Variants in CNTN5 observed in about 807,000 individuals in gnomAD.
CNTN5 encodes contactin 5.
A neutral mutation model predicts 129.1 loss-of-function variants in CNTN5; 77 were observed. That is an observed-to-expected ratio of 0.60 (90% CI 0.50 to 0.72). The LOEUF is 0.72. Ranked by LOEUF, CNTN5 falls within the 30% of genes least tolerant of loss-of-function variation. The probability of loss-of-function intolerance (pLI) is 0.00; values close to 1 mark genes in which losing one functional copy is unlikely to be tolerated. For missense variants in CNTN5, 1,478 were observed against 1,328.8 expected (o/e 1.11, Z -1.75); for synonymous variants, 509 against 465.6 (o/e 1.09, Z -1.20).
At chr11:99,211,157 T>C (rs954236283) in intron 1 of CNTN5, among the ~76,000 whole-genome samples, 3 of 152,210 alleles carry the variant, frequency 2.0e-5, no homozygotes, top group Middle Eastern at 3.4e-3. Flanking sequence ...TCCCTTTTTA[T>C]TATCTTGGTA....
At chr11:99,608,056 T>A (rs1470072558) in intron 3 of CNTN5, among the ~76,000 whole-genome samples, 1 of 143,738 alleles carries the variant, frequency 7.0e-6, no homozygotes, top group East Asian at 2.1e-4. Context: ...CATATGTAAC[T>A]AACCTGCACA....
chr11:99,121,138 T>TC lies in CNTN5; in HGVS notation c.-210+99868_-210+99869insC, dbSNP rs201431995. On this transcript the variant is annotated intron_variant, in intron 1 of 24. Transcript: ENST00000524871. ...TTTAACTGTTCTTTCTTTCTTTCTT[T>TC]TTTTTTTTTTTTTTGAGATCGAGTC... 2.9e-4 allele frequency among the ~76,000 whole-genome samples: 42 copies of TC among 146,900 alleles called. No individual in the cohort carries two copies. The South Asian group carries it at 3.0e-3, about 11-fold the overall frequency.
At chr11:99,071,628 C>T (rs576996437) in intron 1 of CNTN5, among the ~76,000 whole-genome samples, 1 of 152,072 alleles carries the variant, frequency 6.6e-6, no homozygotes, top group East Asian at 1.9e-4. Context: ...AATGTATAAG[C>T]CATGTACTTC....
At chr11:99,319,756 C>A (rs1865485936) in intron 1 of CNTN5, among the ~76,000 whole-genome samples, 1 of 152,040 alleles carries the variant, frequency 6.6e-6, no homozygotes, top group Admixed American at 6.6e-5. Context: ...ATTTGAACCA[C>A]CATTCTGGCT....
At chr11:99,761,595 T>G (rs866660784) in intron 3 of CNTN5, among the ~76,000 whole-genome samples, 32 of 152,024 alleles carry the variant, frequency 2.1e-4, no homozygotes, top group Middle Eastern at 3.2e-3. Context: ...GGACATGAAC[T>G]CATCCTTTTT....
chr11:100,354,422 T>C (rs143772892), intron 24 of CNTN5, among the ~76,000 whole-genome samples: 8 of 151,764 alleles, frequency 5.3e-5, no homozygotes, highest in Non-Finnish European at 1.2e-4. Context: ...TACAATGTTT[T>C]TGTCTCATAA....
At chr11:99,351,073 C>T (rs185749273) in intron 2 of CNTN5, among the ~76,000 whole-genome samples, 52 of 151,930 alleles carry the variant, frequency 3.4e-4, no homozygotes, top group African/African-American at 8.7e-4. Flanking sequence ...ATGTAGGTGA[C>T]GGGTTGATGG....
intron 18 of CNTN5, among the ~76,000 whole-genome samples, chr11:100,293,662 C>A (rs577239915): frequency 6.6e-6 from 1 of 151,564 alleles, no homozygotes; most frequent in Non-Finnish European, 1.5e-5. Flanking sequence ...TGGAAATACA[C>A]GTTAAAAAAT....
intron 2 of CNTN5, among the ~76,000 whole-genome samples, chr11:99,508,949 G>A (rs1468545236): frequency 6.6e-6 from 1 of 152,128 alleles, no homozygotes; most frequent in Non-Finnish European, 1.5e-5. Flanking sequence ...CCAAAGTGCT[G>A]GGATTACAGG....
At chr11:99,915,405 C>T (rs1488942930) in intron 6 of CNTN5, among the ~76,000 whole-genome samples, 1 of 151,912 alleles carries the variant, frequency 6.6e-6, no homozygotes, top group Non-Finnish European at 1.5e-5. Flanking sequence ...TACTATAATC[C>T]CTTTTACATA....
chr11:99,917,643 A>AT lies in CNTN5; in HGVS notation c.673+1498dup, dbSNP rs577961804. On this transcript the variant is annotated intron_variant, in intron 7 of 24. Transcript: ENST00000524871. Reference sequence around the variant, plus strand: ...TGACCCCTGTGGGAAAATAAGCAAGATTTTCTGAGATATGATCTTTATTTT... The same window carrying AT: ...TGACCCCTGTGGGAAAATAAGCAAGATTTTTCTGAGATATGATCTTTATTTT... 2.2e-3 allele frequency among the ~76,000 whole-genome samples: 341 copies of AT among 152,156 alleles called. 1 individual carries two copies. Among genetic ancestry groups the AT allele is most frequent in the African/African-American group, 6.0e-3 (251 of 41,524 alleles).
At chr11:99,823,255 T>A (rs2135572539) in intron 4 of CNTN5, among the ~76,000 whole-genome samples, 1 of 152,348 alleles carries the variant, frequency 6.6e-6, no homozygotes, top group Non-Finnish European at 1.5e-5. Context: ...TAATTCTATA[T>A]TTCTGCAGAA....
chr11:99,622,173 G>A lies in CNTN5; in HGVS notation c.55+65904G>A, dbSNP rs141781798. Among the ~76,000 whole-genome samples, 225 of 152,212 alleles carry A rather than the reference G, an allele frequency of 1.5e-3. 1 individual carries two copies. The highest frequency in any genetic ancestry group is 5.2e-3 in the African/African-American group (216 of 41,552). On this transcript the variant is annotated intron_variant, in intron 3 of 24. Transcript: ENST00000524871. Reference sequence around the variant, plus strand: ...TACATAACTTTTTCATTCACATGTAGAATTCAGCAAGTTAATAACTGTATA... The same window carrying A: ...TACATAACTTTTTCATTCACATGTAAAATTCAGCAAGTTAATAACTGTATA...
At chr11:99,698,068 T>C (rs1160396221) in intron 3 of CNTN5, among the ~76,000 whole-genome samples, 1 of 149,672 alleles carries the variant, frequency 6.7e-6, no homozygotes, top group Non-Finnish European at 1.5e-5. Flanking sequence ...TAGTGTTTTT[T>C]TTTTTAACTT....
At chr11:100,316,747 T>A (rs1024408641) in intron 21 of CNTN5, among the ~76,000 whole-genome samples, 1 of 152,246 alleles carries the variant, frequency 6.6e-6, no homozygotes, top group Non-Finnish European at 1.5e-5. Context: ...ATGGTGCTTG[T>A]ATTCATTCAT....
intron 13 of CNTN5, among the ~76,000 whole-genome samples, chr11:100,171,981 C>T (rs995255450): frequency 6.6e-6 from 1 of 151,856 alleles, no homozygotes; most frequent in African/African-American, 2.4e-5. Flanking sequence ...TTTGTACTGT[C>T]AAGGAAAAAC....
intron 3 of CNTN5, among the ~76,000 whole-genome samples, chr11:99,726,393 T>C (rs1943339752): frequency 6.6e-6 from 1 of 152,214 alleles, no homozygotes; most frequent in Non-Finnish European, 1.5e-5. Flanking sequence ...TCTTTTTTTG[T>C]TTAGAGTGTA....
At chr11:99,959,216 G>T (rs982358113) in intron 8 of CNTN5, among the ~76,000 whole-genome samples, 22 of 152,110 alleles carry the variant, frequency 1.4e-4, no homozygotes, top group African/African-American at 5.3e-4. Flanking sequence ...AGGGGTTCAT[G>T]ATCATCAATT....
chr11:99,541,469 AG>A (rs1948104992), intron 2 of CNTN5, among the ~76,000 whole-genome samples: 2 of 152,126 alleles, frequency 1.3e-5, no homozygotes, highest in Non-Finnish European at 2.9e-5. Context: ...AAATGCCAAG[AG>A]AGAGTTAACA....
Sources: gnomAD v4.1 joint callset for allele counts (sites outside exome capture counted in the v4.1 genomes callset) on GRCh38, gnomAD v4.1.1 for gene constraint, MANE v1.5 for transcripts, NCBI Gene and HGNC (gene_info 2026-07-23, HGNC 2026-07-21) for gene names.